The following PPFIBP1 variants were observed in gnomAD, a reference collection of about 807,000 sequenced individuals.
The protein encoded by PPFIBP1 is PPFIB scaffold protein 1.
PPFIBP1 carries 112 observed loss-of-function variants against 137.8 expected under a neutral mutation model. That is an observed-to-expected ratio of 0.81 (90% CI 0.70 to 0.95). The LOEUF is 0.95. Ranked by LOEUF, PPFIBP1 falls within the 40% of genes least tolerant of loss-of-function variation. The probability of loss-of-function intolerance (pLI) is 0.00; values close to 1 mark genes in which losing one functional copy is unlikely to be tolerated. For synonymous variants in PPFIBP1, 378 were observed against 417.3 expected (o/e 0.91, Z 1.15); for missense variants, 1,083 against 1,196.6 (o/e 0.91, Z 1.40).
At chr12:27,555,178 G>A (rs1052644925) in intron 1 of PPFIBP1, among the ~76,000 whole-genome samples, 2 of 152,132 alleles carry the variant, frequency 1.3e-5, no homozygotes, top group Middle Eastern at 6.3e-3. Context: ...TGTTGGCTCA[G>A]GTCCCCTTCG....
chr12:27,660,985 T>C, intron 11 of PPFIBP1, 40 bp downstream of exon 11: 1 of 1,605,798 alleles, frequency 6.2e-7, no homozygotes, highest in Non-Finnish European at 8.5e-7. Flanking sequence ...GGATGTTTTT[T>C]AACACCATTT....
rs2058623622 is a variant in PPFIBP1 at position 27,647,758 on chromosome 12, TC to T, written c.388del (p.Gln130ArgfsTer19). On this transcript the variant is annotated frameshift_variant, in exon 6 of 30. Transcript: ENST00000228425. LOFTEE classifies it high-confidence loss of function. ...VSVLTDQVEA[Q>X]GEKIRDLEFC... ...GTGTGTTAACAGACCAGGTGGAGGC[TC>T]AGGGAGAGAAGATTCGAGATTTGGA... 6.2e-7 allele frequency: 1 copy of T among 1,609,984 alleles called. No homozygotes were observed. The highest frequency in any genetic ancestry group is 8.5e-7 in the Non-Finnish European group (1 of 1,178,326).
intron 2 of PPFIBP1, among the ~76,000 whole-genome samples, chr12:27,628,341 A>T (rs7973819): frequency 0.32 from 48,625 of 152,008 alleles, 8,386 homozygotes; most frequent in Middle Eastern, 0.38. Flanking sequence ...CACACCCAGC[A>T]TATTTTGTAC....
At chr12:27,529,446 C>T (rs1017804150) in intron 1 of PPFIBP1, among the ~76,000 whole-genome samples, 5 of 152,152 alleles carry the variant, frequency 3.3e-5, no homozygotes, top group African/African-American at 1.2e-4. Flanking sequence ...GTAATCCCAG[C>T]ACTTTGGGAG....
At chr12:27,688,986 G>A (rs1172333184) in intron 26 of PPFIBP1, 29 bp from the exon 27 acceptor site, 11 of 1,572,348 alleles carry the variant, frequency 7.0e-6, no homozygotes, top group East Asian at 4.5e-5. Context: ...GGTGACTTTT[G>A]ACAAGCTTTT....
At chr12:27,585,150 G>A (rs1049206566) in intron 2 of PPFIBP1, among the ~76,000 whole-genome samples, 2 of 152,318 alleles carry the variant, frequency 1.3e-5, no homozygotes, top group South Asian at 2.1e-4. Flanking sequence ...TTCATTAAAT[G>A]AATTTGAATG....
chr12:27,583,314 T>C (rs1022593750), intron 2 of PPFIBP1, among the ~76,000 whole-genome samples: 1 of 152,308 alleles, frequency 6.6e-6, no homozygotes. Flanking sequence ...AAGCATGGAA[T>C]TCCTGGAACA....
intron 6 of PPFIBP1, among the ~76,000 whole-genome samples, chr12:27,649,091 AC>A (rs1408258941): frequency 6.6e-6 from 1 of 152,240 alleles, no homozygotes; most frequent in Admixed American, 6.5e-5. Flanking sequence ...CTGTATCAAA[AC>A]ATATACCCCA....
At chr12:27,531,032 C>T (rs890583296) in intron 1 of PPFIBP1, among the ~76,000 whole-genome samples, 1 of 152,168 alleles carries the variant, frequency 6.6e-6, no homozygotes, top group African/African-American at 2.4e-5. Context: ...TTACTTGCAG[C>T]CAAATGTGAT....
At chr12:27,593,150 A>AAAAAAAC (rs2052742172) in intron 2 of PPFIBP1, among the ~76,000 whole-genome samples, 1 of 132,638 alleles carries the variant, frequency 7.5e-6, no homozygotes. Context: ...AAAAAAAAAA[A>AAAAAAAC]GCCCAAGTGT....
chr12:27,592,335 G>A (rs921833779), intron 2 of PPFIBP1: 15 of 557,650 alleles, frequency 2.7e-5, no homozygotes, highest in Non-Finnish European at 4.4e-5. Context: ...TGCTGGAAGA[G>A]GAAGACATGG....
At chr12:27,629,960 T>C (rs2057144570) in intron 2 of PPFIBP1, among the ~76,000 whole-genome samples, 1 of 152,194 alleles carries the variant, frequency 6.6e-6, no homozygotes, top group South Asian at 2.1e-4. Flanking sequence ...TGGCCTTGCA[T>C]ATATGCCTTA....
At chr12:27,688,925 A>G (rs2061353182) in intron 26 of PPFIBP1, 90 bp from the exon 27 acceptor site, 1 of 1,315,906 alleles carries the variant, frequency 7.6e-7, no homozygotes, top group Non-Finnish European at 1.0e-6. Flanking sequence ...GAGATAACCT[A>G]AGAGAAAGCT....
intron 1 of PPFIBP1, among the ~76,000 whole-genome samples, chr12:27,529,922 T>C (rs1021778268): frequency 6.6e-6 from 1 of 152,214 alleles, no homozygotes; most frequent in Admixed American, 6.5e-5. Context: ...TCAAGCTCAC[T>C]GATGTCCTTT....
intron 25 of PPFIBP1, 29 bp downstream of exon 25, chr12:27,687,536 C>T: frequency 6.2e-7 from 1 of 1,609,994 alleles, no homozygotes; most frequent in South Asian, 1.1e-5. Flanking sequence ...GGTTTATAAG[C>T]ATGCACTTCC....
Position 27,676,495 on chromosome 12 carries a change from C to T in PPFIBP1, c.1478C>T (p.Ser493Phe), listed in dbSNP as rs765446106. 39 of 1,608,318 alleles carry T rather than the reference C, an allele frequency of 2.4e-5. No homozygotes were observed. In the South Asian group the frequency reaches 4.2e-4, roughly 17 times the overall value. ...LPPRPPGQDT[S>F]MDDNPFGTRK... ...CCCAGGCCCCCAGGGCAGGACACCT[C>T]CATGGATGACAACCCCTTCGGCACT... The change falls in exon 18 of 30, where the codon TCC (serine) becomes TTC (phenylalanine). Residue 493 changes from serine to phenylalanine, a missense_variant. Physicochemically the swap from Ser to Phe is radical, Grantham distance 155. Transcript: ENST00000228425.
chr12:27,655,048 T>G, intron 8 of PPFIBP1: 1 of 1,097,708 alleles, frequency 9.1e-7, no homozygotes, highest in Non-Finnish European at 1.3e-6. Context: ...CTGAGTTGTA[T>G]CTAACCTCCT....
intron 2 of PPFIBP1, among the ~76,000 whole-genome samples, chr12:27,624,671 T>G (rs1043519879): frequency 3.3e-5 from 5 of 152,224 alleles, no homozygotes; most frequent in African/African-American, 1.2e-4. Context: ...TTTACTAATG[T>G]ATTGTCATTA....
chr12:27,676,435 C>G lies in PPFIBP1; in HGVS notation c.1418C>G (p.Ala473Gly). Residue 473 changes from alanine to glycine, a missense_variant, in exon 18 of 30, where the codon GCT becomes GGT. Transcript: ENST00000228425. Reference protein sequence around the residue: ...ETIQKTSEDRAPAESRPFGTL... With the variant: ...ETIQKTSEDRGPAESRPFGTL... ...TTCTTATTTGCCTCTCAGGACAGAG[C>G]TCCGGCAGAAAGCAGGCCATTTGGG... 1 of 1,534,294 alleles carries G rather than the reference C, an allele frequency of 6.5e-7. No individual in the cohort carries two copies. Among genetic ancestry groups the G allele is most frequent in the Non-Finnish European group, 8.8e-7 (1 of 1,140,800 alleles).
Sources: gnomAD v4.1 joint callset for allele counts (sites outside exome capture counted in the v4.1 genomes callset) on GRCh38, gnomAD v4.1.1 for gene constraint, MANE v1.5 for transcripts, NCBI Gene and HGNC (gene_info 2026-07-23, HGNC 2026-07-21) for gene names.